CCDC13: variants seen among roughly 807,000 people sequenced by gnomAD.
CCDC13 encodes the protein coiled-coil domain containing 13.
Under a neutral mutation model 87.3 loss-of-function variants are expected in CCDC13, and 70 were observed. That is an observed-to-expected ratio of 0.80 (90% CI 0.66 to 0.98). The LOEUF is 0.98. Ranked by LOEUF, CCDC13 falls within the 50% of genes least tolerant of loss-of-function variation. The pLI, the probability that CCDC13 is intolerant of heterozygous loss-of-function variation, is 0.00. For missense variants in CCDC13, 842 were observed against 892.0 expected, an observed-to-expected ratio of 0.94 and a Z score of 0.71; for synonymous variants, 317 against 360.3, an observed-to-expected ratio of 0.88 and a Z score of 1.36.
At chr3:42,751,123 G>T (rs1454396837) in intron 5 of CCDC13, among the ~76,000 whole-genome samples, 1 of 152,228 alleles carries the variant, frequency 6.6e-6, no homozygotes, top group East Asian at 1.9e-4. Flanking sequence ...GCACAGGGCA[G>T]TCTGATCCTG....
intron 5 of CCDC13, among the ~76,000 whole-genome samples, chr3:42,750,729 AAGTGCTGGGATTACGGGCATG>A (rs1274655782): frequency 1.3e-5 from 2 of 152,072 alleles, no homozygotes; most frequent in Non-Finnish European, 2.9e-5. Flanking sequence ...CAGCCTCCCA[AAGTGCTGGGATTACGGGCATG>A]AGCCACCTCA....
intron 13 of CCDC13, among the ~76,000 whole-genome samples, chr3:42,725,485 G>A (rs1395548997): frequency 7.1e-6 from 1 of 141,338 alleles, no homozygotes; most frequent in African/African-American, 2.7e-5. Flanking sequence ...AGTGAGCTGT[G>A]ATCACACCAC....
chr3:42,726,748 T>C (rs539895345), intron 13 of CCDC13, among the ~76,000 whole-genome samples: 2 of 151,978 alleles, frequency 1.3e-5, no homozygotes, highest in South Asian at 4.2e-4. Context: ...TTTACATATA[T>C]GTAAAGTCAC....
At chr3:42,745,353 C>T (rs1238294904) in intron 7 of CCDC13, 2 of 152,980 alleles carry the variant, frequency 1.3e-5, no homozygotes, top group African/African-American at 4.8e-5. Context: ...TTATTATCCC[C>T]ATTATACAGA....
intron 12 of CCDC13, among the ~76,000 whole-genome samples, chr3:42,731,635 C>A (rs973424839): frequency 6.6e-6 from 1 of 152,130 alleles, no homozygotes; most frequent in Non-Finnish European, 1.5e-5. Flanking sequence ...CCATTCATTT[C>A]CCCAGTTCTA....
chr3:42,707,733 TG>T lies in CCDC13; in HGVS notation c.*1246del, dbSNP rs1698210286. Reference sequence around the variant, plus strand: ...GTGCTCATCTGCACCTGTGTGTCCATGAGTGTGCACACATGGAGGTGCCTGT... The same window carrying T: ...GTGCTCATCTGCACCTGTGTGTCCATAGTGTGCACACATGGAGGTGCCTGT... On this transcript the variant is annotated 3_prime_UTR_variant, in exon 16 of 16. Transcript: ENST00000310232. Among the ~76,000 whole-genome samples the T allele has an allele frequency of 6.6e-6, 1 of 152,216 alleles. No homozygotes were observed. Among genetic ancestry groups the T allele is most frequent in the Admixed American group, 6.5e-5 (1 of 15,288 alleles).
Position 42,713,214 on chromosome 3 carries a change from C to G in CCDC13, c.1821G>C (p.Leu607=). 6.2e-7 allele frequency: 1 copy of G among 1,614,202 alleles called. No homozygotes were observed. The highest frequency in any genetic ancestry group is 8.5e-7 in the Non-Finnish European group (1 of 1,180,026). Residue 607 remains leucine, a synonymous_variant, in exon 14 of 16, where the codon CTG becomes CTC. Transcript: ENST00000310232. The part of the protein sequence containing the change: ...VLEQHLEKIR[L]EPGKASASQR... The stretch of plus-strand genomic sequence containing the variant: ...GGGAGGCTGATGCCTTCCCTGGCTC[C>G]AGGCGTATCTTCTCCAGATGTTGCT...
At chr3:42,750,613 G>A (rs139736250) in intron 5 of CCDC13, among the ~76,000 whole-genome samples, 66 of 152,250 alleles carry the variant, frequency 4.3e-4, no homozygotes, top group African/African-American at 1.3e-3. Flanking sequence ...GATTACAGGC[G>A]TTCGCCACCA....
chr3:42,735,907 G>A lies in CCDC13; in HGVS notation c.1171C>T (p.Leu391=). 6.2e-7 allele frequency: 1 copy of A among 1,613,314 alleles called. No homozygotes were observed. The highest frequency in any genetic ancestry group is 8.5e-7 in the Non-Finnish European group (1 of 1,179,708). The change falls in exon 10 of 16, where the codon CTG becomes TTG. Residue 391 remains leucine (L), a synonymous_variant. Transcript: ENST00000310232. ...CCTAGGATCTCCTGTAGCTGCTTCA[G>A]CTGGTCCTGGGGGGCCAGGCAGGAG... ...DELIDALMDQ[L]KQLQEILGSL... is the part of the protein sequence containing the mutation.
chr3:42,764,027 G>A (rs1559664060), intron 1 of CCDC13, among the ~76,000 whole-genome samples: 1 of 152,160 alleles, frequency 6.6e-6, no homozygotes, highest in Non-Finnish European at 1.5e-5. Context: ...CAGGTGATAA[G>A]TAGATTTAAA....
At chr3:42,772,551 CT>C (rs1188533454) in intron 1 of CCDC13, among the ~76,000 whole-genome samples, 2 of 152,262 alleles carry the variant, frequency 1.3e-5, no homozygotes, top group East Asian at 3.9e-4. Context: ...TTACTGTGTT[CT>C]TTTCGAGTAT....
chr3:42,749,775 A>G (rs886953866), intron 5 of CCDC13: 5 of 420,782 alleles, frequency 1.2e-5, no homozygotes, highest in Admixed American at 2.7e-5. Context: ...GAAAATAACT[A>G]AAGCGCAGTA....
intron 1 of CCDC13, among the ~76,000 whole-genome samples, chr3:42,759,090 G>A (rs1226962313): frequency 6.6e-6 from 1 of 152,226 alleles, no homozygotes; most frequent in African/African-American, 2.4e-5. Context: ...GGAGGCCAAG[G>A]TGAGTAGACT....
chr3:42,733,459 T>C lies in CCDC13; in HGVS notation c.1511+11A>G, dbSNP rs1187615868. 1 of 1,613,964 alleles carries C rather than the reference T, an allele frequency of 6.2e-7. No individual in the cohort carries two copies. The highest frequency in any genetic ancestry group is 1.7e-5 in the Admixed American group (1 of 59,990). ...TCACTTTCCAACCCCTCCCTCCCAT[T>C]GTTTTCTTACCGAGAAGATCCAAGC... On this transcript the variant is annotated intron_variant, in intron 11 of 15. Coordinates refer to ENST00000310232, the MANE Select transcript of CCDC13 (RefSeq NM_144719.4).
At position 42,752,700 on chromosome 3, in the gene CCDC13, C is replaced by T. The variant is rs534849116; in HGVS notation, c.388G>A (p.Gly130Arg). Residue 130 changes from glycine (G) to arginine (R), a missense_variant, in exon 4 of 16, where the codon GGA becomes AGA. By Grantham distance (125) the Gly-to-Arg change is moderately radical. Coordinates refer to ENST00000310232, the MANE Select transcript of CCDC13 (RefSeq NM_144719.4). ...ACAATTTTGGTGGCGACCACGTCTC[C>T]GGCTACACCGGCTGTCCCTAAAATG... ...FAFTGTAGVA[G>R]DVVATKIVEL... is the part of the protein sequence containing the mutation. 75 of 1,613,934 alleles carry T rather than the reference C, an allele frequency of 4.6e-5. No homozygotes were observed. The highest frequency in any genetic ancestry group is 5.7e-5 in the Non-Finnish European group (67 of 1,179,996).
intron 1 of CCDC13, among the ~76,000 whole-genome samples, chr3:42,768,418 C>G (rs565881571): frequency 6.6e-6 from 1 of 152,122 alleles, no homozygotes; most frequent in Non-Finnish European, 1.5e-5. Flanking sequence ...GAAAAGAGGC[C>G]GGGAATGGTG....
rs149549191 is a variant in CCDC13, at chr3:42,757,218, C to G, written c.222-4G>C. On this transcript the variant is annotated splice_polypyrimidine_tract_variant and splice_region_variant and intron_variant, in intron 2 of 15. Transcript: ENST00000310232. ...TTCAATCTCATCTTCAAGCACCCTA[C>G]AAGGCAAAGGCAGAATTAATGCTCC... 1.1e-5 allele frequency: 18 copies of G among 1,612,656 alleles called. No homozygotes were observed. The highest frequency in any genetic ancestry group is 6.8e-6 in the Non-Finnish European group (8 of 1,179,266).
At position 42,709,056 on chromosome 3, in the gene CCDC13, A is replaced by C; in HGVS notation, c.2072T>G (p.Met691Arg). 1 of 1,614,082 alleles carries C rather than the reference A, an allele frequency of 6.2e-7. No homozygotes were observed. The highest frequency in any genetic ancestry group is 8.5e-7 in the Non-Finnish European group (1 of 1,179,944). The change falls in exon 16 of 16, where the codon ATG becomes AGG. Residue 691 changes from methionine (M) to arginine (R), a missense_variant. Physicochemically the swap from Met to Arg is moderately conservative, Grantham distance 91. Transcript: ENST00000310232. ...ALRGKEEDFR[M>R]YHEILGQVKS... ...CACCTGGCCCAGGATCTCATGGTAC[A>C]TCCGGAAGTCCTCCTCCTTTCCCCG...
At chr3:42,749,225 C>T (rs1699505810) in intron 5 of CCDC13, among the ~76,000 whole-genome samples, 1 of 152,202 alleles carries the variant, frequency 6.6e-6, no homozygotes, top group Non-Finnish European at 1.5e-5. Context: ...CACGCCCCGC[C>T]CTGCCTGTCA....
Sources: allele counts gnomAD v4.1 joint callset (sites outside exome capture counted in the v4.1 genomes callset), GRCh38; gene constraint gnomAD v4.1.1; transcripts MANE v1.5; gene names NCBI Gene and HGNC (gene_info 2026-07-23, HGNC 2026-07-21).